The following WDR4 variants were observed in gnomAD, a reference collection of about 807,000 sequenced individuals.
The protein encoded by WDR4 is tRNA (guanine-N(7)-)-methyltransferase non-catalytic subunit WDR4.
A neutral mutation model predicts 48.6 loss-of-function variants in WDR4; 47 were observed. The ratio of observed to expected loss-of-function variants is 0.97; its 90% confidence interval spans 0.77 to 1.23. The LOEUF (loss-of-function observed/expected upper bound fraction) is 1.23, where lower values mean the gene tolerates loss of function less well. Among genes scored for constraint, WDR4 ranks in the 50% most tolerant of loss-of-function variants. The pLI, the probability that WDR4 is intolerant of heterozygous loss-of-function variation, is 0.00. For missense variants in WDR4, 606 were observed against 551.6 expected, an observed-to-expected ratio of 1.10 and a Z score of -0.99; for synonymous variants, 268 against 230.0, an observed-to-expected ratio of 1.17 and a Z score of -1.49.
At chr21:42,845,638 C>T (rs370453978), downstream of WDR4, among the ~76,000 whole-genome samples, 21 of 152,332 alleles carry the variant, frequency 1.4e-4, no homozygotes, top group African/African-American at 4.3e-4. Context: ...AACTCCACAC[C>T]ACACACTGTG....
rs979721765 is a variant in WDR4, at chr21:42,849,845, C to A, written c.*204G>T. On this transcript the variant is annotated 3_prime_UTR_variant, in exon 11 of 11. Coordinates refer to ENST00000398208, the MANE Select transcript of WDR4 (RefSeq NM_018669.6). ...CTCCACTGGTCTGGCTTCCCTTCAA[C>A]CAGAAAGGGGGCACAGGCACCCAGC... 3.4e-6 allele frequency: 2 copies of A among 593,942 alleles called. No homozygotes were observed. The highest frequency in any genetic ancestry group is 2.8e-6 in the Non-Finnish European group (1 of 356,512). 36.8% of individuals were successfully genotyped at this position (593,942 alleles called of 1,614,324 possible). A position where few individuals can be genotyped will look rare whatever the true frequency, so the allele number is the denominator to read the frequency against.
In WDR4 at chr21:42,853,738, T is replaced by G. The variant is rs750778721; in HGVS notation, c.806A>C (p.Tyr269Ser). The G allele has an allele frequency of 6.4e-7, 1 of 1,558,338 alleles. No individual in the cohort carries two copies. The highest frequency in any genetic ancestry group is 8.7e-7 in the Non-Finnish European group (1 of 1,150,984). Residue 269 changes from tyrosine (Y) to serine (S), a missense_variant, in exon 9 of 11, where the codon TAC becomes TCC. By Grantham distance (144) the Tyr-to-Ser change is moderately radical (BLOSUM62 -2). Coordinates refer to ENST00000398208, the MANE Select transcript of WDR4 (RefSeq NM_018669.6). ...TCTGCGGGCGTCCAGCTGGAAGATGTAGACCACAGGAGTGCTTGCCACGAA... is the reference window on the plus strand; with the variant it reads ...TCTGCGGGCGTCCAGCTGGAAGATGGAGACCACAGGAGTGCTTGCCACGAA... ...ALLCDGTPVV[Y>S]IFQLDARRQQ...
chr21:42,847,146 C>T (rs2057717753), downstream of WDR4, among the ~76,000 whole-genome samples: 3 of 152,114 alleles, frequency 2.0e-5, no homozygotes, highest in East Asian at 1.9e-4. Flanking sequence ...AAAAAAATAA[C>T]GGAAGAGAGC....
chr21:42,885,828 T>A, the WDR4 span, among the ~76,000 whole-genome samples: 1 of 152,164 alleles, frequency 6.6e-6, no homozygotes, highest in Non-Finnish European at 1.5e-5. Context: ...CCTGAGTGGC[T>A]GGGACTACAG....
At chr21:42,875,078 G>A (rs751339850) in intron 2 of WDR4, among the ~76,000 whole-genome samples, 1 of 151,988 alleles carries the variant, frequency 6.6e-6, no homozygotes, top group Non-Finnish European at 1.5e-5. Context: ...TTCTCAAACC[G>A]GCCGACGCTT....
chr21:42,860,443 C>T (rs1326546747), intron 5 of WDR4, among the ~76,000 whole-genome samples: 1 of 152,252 alleles, frequency 6.6e-6, no homozygotes, highest in Non-Finnish European at 1.5e-5. Context: ...GACAAGGCCC[C>T]TTTTCTTCCC....
Position 42,873,567 on chromosome 21 carries a change from G to C in WDR4, c.280C>G (p.Gln94Glu). ...ATCTCATACCTGACACTCAGACATT[G>C]CCATGGTTTTGTACGGAAAAGAATC... ...RLILFRTKPWQCLSVRTVARR... is the reference protein window; with the variant it reads ...RLILFRTKPWECLSVRTVARR... The change falls in exon 3 of 11, where the codon CAA becomes GAA. Residue 94 changes from glutamine to glutamate, a missense_variant. By Grantham distance (29) the Gln-to-Glu change is conservative. Transcript: ENST00000398208. 6.2e-7 allele frequency: 1 copy of C among 1,614,096 alleles called. No individual in the cohort carries two copies. The highest frequency in any genetic ancestry group is 8.5e-7 in the Non-Finnish European group (1 of 1,179,992).
At chr21:42,867,400 A>AG (rs2058272580) in intron 3 of WDR4, among the ~76,000 whole-genome samples, 2 of 151,706 alleles carry the variant, frequency 1.3e-5, no homozygotes, top group Admixed American at 6.6e-5. Context: ...CACCAAAAAA[A>AG]AAAAAAAAAA....
chr21:42,889,307 G>C, the WDR4 span, among the ~76,000 whole-genome samples: 366 of 152,196 alleles, frequency 2.4e-3, 1 homozygote, highest in African/African-American at 8.4e-3. Flanking sequence ...TAAAACTTGA[G>C]ATGTCCTGAA....
At chr21:42,886,071 C>G in the WDR4 span, among the ~76,000 whole-genome samples, 1 of 150,914 alleles carries the variant, frequency 6.6e-6, no homozygotes, top group Non-Finnish European at 1.5e-5. Context: ...ATTCTCCTGT[C>G]TCAGCCTCCC....
intron 1 of WDR4, 85 bp downstream of exon 1, chr21:42,879,322 A>C: frequency 1.3e-6 from 2 of 1,557,918 alleles, no homozygotes; most frequent in Non-Finnish European, 1.7e-6. Flanking sequence ...GGGTGCGACC[A>C]GGCGGTGCGG....
chr21:42,880,600 TAAG>T (rs1236757737), upstream of WDR4, among the ~76,000 whole-genome samples: 1 of 152,148 alleles, frequency 6.6e-6, no homozygotes, highest in South Asian at 2.1e-4. Flanking sequence ...CCTACAAGAA[TAAG>T]AAGTCTTAAC....
chr21:42,886,310 CTT>C, the WDR4 span, among the ~76,000 whole-genome samples: 2 of 152,116 alleles, frequency 1.3e-5, no homozygotes, highest in African/African-American at 4.8e-5. Context: ...ACCTTTTCCT[CTT>C]GATTTATTAA....
At chr21:42,892,030 G>A in the WDR4 span, among the ~76,000 whole-genome samples, 1 of 150,898 alleles carries the variant, frequency 6.6e-6, no homozygotes, top group East Asian at 2.0e-4. Context: ...GAGACGGGTG[G>A]ATCACGAGGT....
At chr21:42,848,450 TCACA>T (rs201033353), downstream of WDR4, among the ~76,000 whole-genome samples, 1 of 98,672 alleles carries the variant, frequency 1.0e-5, no homozygotes, top group African/African-American at 4.5e-5. Flanking sequence ...GGCGCGCACC[TCACA>T]CAGCGCACGA....
chr21:42,852,438 C>T (rs1055116883), intron 9 of WDR4, 114 bp from the exon 10 acceptor site: 32 of 1,175,270 alleles, frequency 2.7e-5, no homozygotes, highest in Non-Finnish European at 3.0e-5. Context: ...CCTCCTGGTG[C>T]CTGGGGACCC....
At chr21:42,878,642 CACT>C (rs1159545437) in intron 1 of WDR4, among the ~76,000 whole-genome samples, 3 of 152,180 alleles carry the variant, frequency 2.0e-5, no homozygotes, top group East Asian at 3.8e-4. Flanking sequence ...AAACTGACAG[CACT>C]ACTAATTGCT....
Position 42,862,332 on chromosome 21 carries a change from G to A in WDR4, c.516C>T (p.Ser172=), listed in dbSNP as rs2058137203. Residue 172 remains serine, a synonymous_variant, in exon 5 of 11, where the codon AGC becomes AGT. Transcript: ENST00000398208. This position sits in a 1 kb window ranked among gnomAD's most constrained non-coding sequence, Gnocchi z 4.3. ...TADRDEKIRV[S]WAAAPHSIES... ...CGATGCTATGGGGCGCCGCGGCCCAGCTGACTCGGATCTTCTCGTCCCGGT... is the reference window on the plus strand; with the variant it reads ...CGATGCTATGGGGCGCCGCGGCCCAACTGACTCGGATCTTCTCGTCCCGGT... The A allele has an allele frequency of 6.2e-7, 1 of 1,611,966 alleles. No individual in the cohort carries two copies. Among genetic ancestry groups the A allele is most frequent in the Non-Finnish European group, 8.5e-7 (1 of 1,179,292 alleles).
rs754128947 is a variant in WDR4 at position 42,853,711 on chromosome 21, T to C, written c.833A>G (p.Gln278Arg). The C allele has an allele frequency of 9.6e-6, 15 of 1,568,922 alleles. No individual in the cohort carries two copies. In the Admixed American group the frequency reaches 2.9e-4, roughly 30 times the overall value. Residue 278 changes from glutamine (Q) to arginine (R), a missense_variant, in exon 9 of 11, where the codon CAG becomes CGG. Physicochemically the swap from Gln to Arg is conservative, Grantham distance 43. Transcript: ENST00000398208. The stretch of plus-strand genomic sequence containing the variant: ...CAGCTGCTGCCTGTACACCAACTGC[T>C]GTCTGCGGGCGTCCAGCTGGAAGAT... ...VYIFQLDARR[Q>R]QLVYRQQLAF...
Sources: gnomAD v4.1 joint callset for allele counts (sites outside exome capture counted in the v4.1 genomes callset) on GRCh38, gnomAD v4.1.1 for gene constraint, Gnocchi (gnomAD v3.1) non-coding constraint, MANE v1.5 for transcripts, NCBI Gene and HGNC (gene_info 2026-07-23, HGNC 2026-07-21) for gene names.